The following EYS variants were observed in gnomAD, a reference collection of about 807,000 sequenced individuals.
EYS encodes the protein protein eyes shut homolog.
In EYS, 250 loss-of-function variants were observed where a neutral mutation model predicts 282.1. The ratio of observed to expected loss-of-function variants is 0.89; its 90% CI spans 0.80 to 0.98. EYS has a LOEUF of 0.98. Among genes scored for constraint, EYS ranks in the 50% least tolerant of loss-of-function variants. The pLI is 0.00. For synonymous variants in EYS, 1,355 were observed against 1,282.9 expected (o/e 1.06, Z -1.20); for missense variants, 4,016 against 3,709.0 (o/e 1.08, Z -2.15).
chr6:64,656,303 T>C (rs1341279516), intron 22 of EYS, among the ~76,000 whole-genome samples: 1 of 152,136 alleles, frequency 6.6e-6, no homozygotes, highest in Non-Finnish European at 1.5e-5. Flanking sequence ...ACCTGTTCTT[T>C]TGAGAGTGAG....
In EYS at chr6:64,591,770, G is replaced by GT; in HGVS notation, c.4096dup (p.Thr1366AsnfsTer21). ...TCGAATAGGCATATGTGATACCGAT[G>GT]TTTTGTCCTGGACAATTTGTGCTGG... On this transcript the variant is annotated frameshift_variant, in exon 26 of 43. Transcript: ENST00000503581. LOFTEE classifies it high-confidence loss of function. The GT allele has an allele frequency of 6.4e-7, 1 of 1,551,346 alleles. No homozygotes were observed. Among genetic ancestry groups the GT allele is most frequent in the Non-Finnish European group, 8.7e-7 (1 of 1,146,732 alleles).
intron 29 of EYS, among the ~76,000 whole-genome samples, chr6:64,372,130 GT>G (rs201498090): frequency 0.016 from 1,539 of 97,690 alleles, 14 homozygotes; most frequent in Non-Finnish European, 0.019. Flanking sequence ...GTATACTTGT[GT>G]TTTTTTTTTT....
At chr6:65,191,213 T>C (rs1257667538) in intron 12 of EYS, among the ~76,000 whole-genome samples, 1 of 151,872 alleles carries the variant, frequency 6.6e-6, no homozygotes, top group Non-Finnish European at 1.5e-5. Flanking sequence ...TTACTTTCTC[T>C]GAATTAGAAT....
intron 32 of EYS, among the ~76,000 whole-genome samples, chr6:64,081,101 T>A (rs747060331): frequency 6.6e-6 from 1 of 152,166 alleles, no homozygotes; most frequent in Non-Finnish European, 1.5e-5. Context: ...AAGAAAGTCA[T>A]TGGTGACTTT....
Position 65,044,756 on chromosome 6 carries a change from T to A in EYS, c.2137+12858A>T, listed in dbSNP as rs1297295238. 2.0e-5 allele frequency among the ~76,000 whole-genome samples: 3 copies of A among 151,826 alleles called. No individual in the cohort carries two copies. In the East Asian group the frequency reaches 5.8e-4, roughly 30 times the overall value. On this transcript the variant is annotated intron_variant, in intron 13 of 42. Transcript: ENST00000503581. ...CACTGGGGAAAATTGAGATTCCCTA[T>A]GTGTGTGTCATTCAGGCATTAACAA...
At chr6:65,536,856 A>G (rs1767980539) in intron 2 of EYS, among the ~76,000 whole-genome samples, 1 of 152,194 alleles carries the variant, frequency 6.6e-6, no homozygotes, top group African/African-American at 2.4e-5. Context: ...ATAAATTTCA[A>G]TCCAAGGCAC....
intron 22 of EYS, among the ~76,000 whole-genome samples, chr6:64,636,506 A>T (rs983592603): frequency 3.3e-5 from 5 of 152,222 alleles, no homozygotes; most frequent in Non-Finnish European, 5.9e-5. Flanking sequence ...AACCTAGGCA[A>T]TACCATTCAG....
Position 64,180,550 on chromosome 6 carries a change from G to A in EYS, c.6424+50042C>T, listed in dbSNP as rs185268321. ...TCAGTAGTGAGCATACTACCCAATAGGAAGTTTTTCAACCCATACCCCCTC... is the reference window on the plus strand; with the variant it reads ...TCAGTAGTGAGCATACTACCCAATAAGAAGTTTTTCAACCCATACCCCCTC... On this transcript the variant is annotated intron_variant, in intron 31 of 42. Coordinates refer to ENST00000503581, the MANE Select transcript of EYS (RefSeq NM_001142800.2). 1.5e-3 allele frequency among the ~76,000 whole-genome samples: 226 copies of A among 151,208 alleles called. 1 individual carries two copies. Among genetic ancestry groups the A allele is most frequent in the Middle Eastern group, 6.8e-3 (2 of 294 alleles).
intron 30 of EYS, among the ~76,000 whole-genome samples, chr6:64,257,241 T>G (rs1040640903): frequency 6.6e-6 from 1 of 152,006 alleles, no homozygotes; most frequent in African/African-American, 2.4e-5. Flanking sequence ...ACTTATACAA[T>G]AAAGCTTCGT....
chr6:64,544,567 T>A (rs1180537651), intron 26 of EYS, among the ~76,000 whole-genome samples: 1 of 152,012 alleles, frequency 6.6e-6, no homozygotes, highest in Non-Finnish European at 1.5e-5. Context: ...CTTCAAAAAA[T>A]CAATGAATCC....
At chr6:65,688,095 A>T (rs1582604104) in intron 1 of EYS, among the ~76,000 whole-genome samples, 1 of 152,156 alleles carries the variant, frequency 6.6e-6, no homozygotes, top group Non-Finnish European at 1.5e-5. Flanking sequence ...TAAAGTTCAT[A>T]TGGAACCAAA....
intron 22 of EYS, among the ~76,000 whole-genome samples, chr6:64,744,897 C>G (rs1020695409): frequency 6.6e-6 from 1 of 152,024 alleles, no homozygotes; most frequent in Non-Finnish European, 1.5e-5. Context: ...AAAGATTTTT[C>G]TTCTCAGTAT....
At chr6:64,908,699 G>T (rs1767904282) in intron 16 of EYS, among the ~76,000 whole-genome samples, 1 of 152,098 alleles carries the variant, frequency 6.6e-6, no homozygotes, top group Non-Finnish European at 1.5e-5. Context: ...CTTCCCGAAA[G>T]TCAGGCCATC....
intron 12 of EYS, among the ~76,000 whole-genome samples, chr6:65,178,278 C>T (rs750650159): frequency 6.6e-6 from 1 of 151,946 alleles, no homozygotes; most frequent in African/African-American, 2.4e-5. Context: ...TCCCTTGCAA[C>T]GTACTGTTCC....
intron 1 of EYS, among the ~76,000 whole-genome samples, chr6:65,695,681 TA>T (rs1374475048): frequency 6.6e-6 from 1 of 151,994 alleles, no homozygotes; most frequent in Non-Finnish European, 1.5e-5. Flanking sequence ...TATCTATATG[TA>T]ACTATTTCTA....
chr6:64,315,005 C>G (rs1769887288), intron 29 of EYS, among the ~76,000 whole-genome samples: 1 of 151,718 alleles, frequency 6.6e-6, no homozygotes, highest in African/African-American at 2.4e-5. Context: ...TTGAAAAGAT[C>G]AACAAACTAG....
intron 2 of EYS, among the ~76,000 whole-genome samples, chr6:65,544,621 G>C (rs1440757829): frequency 6.6e-6 from 1 of 152,166 alleles, no homozygotes; most frequent in Non-Finnish European, 1.5e-5. Context: ...CTGAAGAACT[G>C]TGACACAATT....
chr6:64,473,734 T>C (rs1439929935), intron 26 of EYS, among the ~76,000 whole-genome samples: 2 of 152,176 alleles, frequency 1.3e-5, no homozygotes, highest in Non-Finnish European at 2.9e-5. Flanking sequence ...AAGCAAGATC[T>C]CTGGGACTCC....
intron 2 of EYS, among the ~76,000 whole-genome samples, chr6:65,497,384 A>G (rs1766292318): frequency 3.3e-5 from 5 of 152,066 alleles, no homozygotes; most frequent in Non-Finnish European, 4.4e-5. Context: ...CTAAGCTAAA[A>G]TGATAAAACG....
Sources: gnomAD v4.1 joint callset for allele counts (sites outside exome capture counted in the v4.1 genomes callset) on GRCh38, gnomAD v4.1.1 for gene constraint, MANE v1.5 for transcripts, NCBI Gene and HGNC (gene_info 2026-07-23, HGNC 2026-07-21) for gene names.